The following MLLT3 variants were observed in gnomAD, a reference collection of about 807,000 sequenced individuals.
The protein encoded by MLLT3 is MLLT3 super elongation complex subunit.
A neutral mutation model predicts 53.2 loss-of-function variants in MLLT3; 4 were observed. The observed-to-expected ratio is 0.08, with a 90% CI of 0.04 to 0.17. The LOEUF (loss-of-function observed/expected upper bound fraction) is 0.17, where lower values mean the gene tolerates loss of function less well. MLLT3 is among the 10% of genes least tolerant of loss of function. MLLT3 has a pLI of 1.00. For synonymous variants in MLLT3, 283 were observed against 230.6 expected (o/e 1.23, Z -2.06); for missense variants, 569 against 684.0 (o/e 0.83, Z 1.87).
chr9:20,560,968 C>T (rs971794741), intron 2 of MLLT3, among the ~76,000 whole-genome samples: 6 of 152,050 alleles, frequency 3.9e-5, no homozygotes, highest in Admixed American at 6.6e-5. Flanking sequence ...AAATATTAGA[C>T]ACTATCAAAT....
At chr9:20,376,631 G>A (rs2118684437) in intron 5 of MLLT3, among the ~76,000 whole-genome samples, 1 of 152,186 alleles carries the variant, frequency 6.6e-6, no homozygotes, top group Non-Finnish European at 1.5e-5. Flanking sequence ...ATGGCCTCGG[G>A]GAGCAGGGGT....
chr9:20,456,670 T>C, intron 3 of MLLT3, 34 bp downstream of exon 3: 7 of 1,421,814 alleles, frequency 4.9e-6, no homozygotes, highest in African/African-American at 1.4e-5. Flanking sequence ...TGGTGGATCG[T>C]CTACTGAAAG....
intron 2 of MLLT3, among the ~76,000 whole-genome samples, chr9:20,576,409 C>T (rs1029298274): frequency 1.3e-5 from 2 of 152,180 alleles, no homozygotes; most frequent in Non-Finnish European, 1.5e-5. Context: ...GTGTTTGGCA[C>T]AAGAGATCTA....
chr9:20,536,882 A>G (rs749530422), intron 2 of MLLT3, among the ~76,000 whole-genome samples: 2 of 151,998 alleles, frequency 1.3e-5, no homozygotes, highest in Non-Finnish European at 2.9e-5. Flanking sequence ...ACAAGCACAT[A>G]CTGTGCAGAA....
intron 5 of MLLT3, among the ~76,000 whole-genome samples, chr9:20,390,859 C>T (rs7029618): frequency 0.1 from 15,433 of 152,126 alleles, 1,723 homozygotes; most frequent in African/African-American, 0.27. Context: ...AAGCCTGTAA[C>T]CCCAGCTACT....
At chr9:20,385,623 T>C (rs1057247147) in intron 5 of MLLT3, among the ~76,000 whole-genome samples, 1 of 152,140 alleles carries the variant, frequency 6.6e-6, no homozygotes, top group Non-Finnish European at 1.5e-5. Context: ...GACTTAATAA[T>C]TTGTCCTAAA....
At chr9:20,575,497 A>G (rs1424185554) in intron 2 of MLLT3, among the ~76,000 whole-genome samples, 1 of 152,180 alleles carries the variant, frequency 6.6e-6, no homozygotes, top group Non-Finnish European at 1.5e-5. Flanking sequence ...ATACATTCAT[A>G]ATGAATTTCT....
intron 2 of MLLT3, among the ~76,000 whole-genome samples, chr9:20,593,495 G>A (rs1227903376): frequency 2.6e-5 from 4 of 152,070 alleles, no homozygotes; most frequent in South Asian, 2.1e-4. Flanking sequence ...AAATAATCAC[G>A]CCAAGTATAA....
At chr9:20,474,499 G>C (rs576121910) in intron 2 of MLLT3, among the ~76,000 whole-genome samples, 4 of 151,884 alleles carry the variant, frequency 2.6e-5, no homozygotes, top group African/African-American at 9.7e-5. Flanking sequence ...TCCTATACAC[G>C]AGTCTCCTCA....
chr9:20,369,182 G>A (rs149652527), intron 5 of MLLT3, among the ~76,000 whole-genome samples: 26 of 152,276 alleles, frequency 1.7e-4, no homozygotes, highest in African/African-American at 4.8e-4. Context: ...CCCAGAGACC[G>A]ATAATCACAG....
At chr9:20,398,810 C>T (rs1259849959) in intron 5 of MLLT3, among the ~76,000 whole-genome samples, 1 of 152,134 alleles carries the variant, frequency 6.6e-6, no homozygotes, top group Non-Finnish European at 1.5e-5. Context: ...TGACATCCCT[C>T]TGCTGTCTCA....
chr9:20,560,697 G>C lies in MLLT3; in HGVS notation c.193+59957C>G, dbSNP rs528132476. The stretch of plus-strand genomic sequence containing the variant: ...AGGATTGTGGGCGGGGAGCATTGTG[G>C]GCTAACAGGAGACAGCATTCTATGC... On this transcript the variant is annotated intron_variant, in intron 2 of 10. Coordinates refer to ENST00000380338, the MANE Select transcript of MLLT3 (RefSeq NM_004529.4). Among the ~76,000 whole-genome samples the C allele has an allele frequency of 2.0e-5, 3 of 152,130 alleles. No individual in the cohort carries two copies. In the East Asian group the frequency reaches 5.8e-4, roughly 29 times the overall value.
At chr9:20,564,776 T>G (rs1034151996) in intron 2 of MLLT3, among the ~76,000 whole-genome samples, 3 of 152,202 alleles carry the variant, frequency 2.0e-5, no homozygotes, top group Admixed American at 6.6e-5. Context: ...GCTCTCTTAA[T>G]GCCTATTAAA....
rs576591378 is a variant in MLLT3, at chr9:20,391,583, C to T, written c.1125+22138G>A. On this transcript the variant is annotated intron_variant, in intron 5 of 10. Transcript: ENST00000380338. ...GAATCATCATCTCATCTCACCTATC[C>T]ATCTATTTATTTACTGAATATTTTC... Among the ~76,000 whole-genome samples, 3 of 152,284 alleles carry T rather than the reference C, an allele frequency of 2.0e-5. No individual in the cohort carries two copies. In the East Asian group the frequency reaches 5.8e-4, roughly 29 times the overall value.
At chr9:20,362,224 T>A (rs985345146) in intron 7 of MLLT3, among the ~76,000 whole-genome samples, 3 of 152,150 alleles carry the variant, frequency 2.0e-5, no homozygotes, top group African/African-American at 7.2e-5. Flanking sequence ...CTCACAAACC[T>A]ACATGATGAC....
At position 20,354,315 on chromosome 9, in the gene MLLT3, G is replaced by A. The variant is rs766205364; in HGVS notation, c.1503+493C>T. On this transcript the variant is annotated intron_variant, in intron 9 of 10. Transcript: ENST00000380338. ...CATGGGTGCCCCCAGCACCATTTGC[G>A]ATAAAGGCAAATGAAAGATTTGTGA... Among the ~76,000 whole-genome samples, 11 of 152,210 alleles carry A rather than the reference G, an allele frequency of 7.2e-5. 1 individual carries two copies. The highest frequency in any genetic ancestry group is 4.1e-4 in the South Asian group (2 of 4,826).
At chr9:20,551,818 A>C (rs188013365) in intron 2 of MLLT3, among the ~76,000 whole-genome samples, 1 of 152,216 alleles carries the variant, frequency 6.6e-6, no homozygotes, top group Non-Finnish European at 1.5e-5. Flanking sequence ...TTGAACATTA[A>C]CATTACACCC....
chr9:20,588,962 T>C (rs1185762976), intron 2 of MLLT3, among the ~76,000 whole-genome samples: 16 of 150,802 alleles, frequency 1.1e-4, no homozygotes, highest in African/African-American at 2.7e-4. Context: ...TGTGGAGAAA[T>C]AGGAACACTT....
At chr9:20,493,689 C>T (rs1211896746) in intron 2 of MLLT3, among the ~76,000 whole-genome samples, 2 of 151,722 alleles carry the variant, frequency 1.3e-5, no homozygotes. Flanking sequence ...CAATGTTCAC[C>T]CCAAAACATG....
Sources: gnomAD v4.1 joint callset for allele counts (sites outside exome capture counted in the v4.1 genomes callset) on GRCh38, gnomAD v4.1.1 for gene constraint, MANE v1.5 for transcripts, NCBI Gene and HGNC (gene_info 2026-07-23, HGNC 2026-07-21) for gene names.